MAGI3: variants seen among roughly 807,000 people sequenced by gnomAD.
MAGI3 encodes the protein membrane associated guanylate kinase, WW and PDZ domain containing 3.
MAGI3 carries 43 observed loss-of-function variants against 121.8 expected under a neutral mutation model. The observed-to-expected ratio is 0.35, with a 90% CI of 0.28 to 0.46. MAGI3 has a LOEUF of 0.46. Ranked by LOEUF, MAGI3 falls within the 20% of genes least tolerant of loss-of-function variation. MAGI3 has a pLI of 1.00. For synonymous variants in MAGI3, 553 were observed against 639.3 expected, an observed-to-expected ratio of 0.86 and a Z score of 2.04; for missense variants, 1,547 against 1,797.3, an observed-to-expected ratio of 0.86 and a Z score of 2.52.
At chr1:113,567,897 A>G (rs538587015) in intron 2 of MAGI3, among the ~76,000 whole-genome samples, 46 of 152,100 alleles carry the variant, frequency 3.0e-4, no homozygotes, top group Non-Finnish European at 5.3e-4. Flanking sequence ...AAGGCATTCA[A>G]CTTAGAAAAG....
intron 1 of MAGI3, among the ~76,000 whole-genome samples, chr1:113,402,202 A>C (rs1651444135): frequency 6.6e-6 from 1 of 152,154 alleles, no homozygotes; most frequent in African/African-American, 2.4e-5. Context: ...TGAAATCTGC[A>C]TTCTCTTGGA....
intron 1 of MAGI3, among the ~76,000 whole-genome samples, chr1:113,425,273 ATTTTTTTT>A (rs949045641): frequency 5.8e-5 from 5 of 86,860 alleles, no homozygotes; most frequent in Admixed American, 1.4e-4. Flanking sequence ...TACAAATTCA[ATTTTTTTT>A]TTTTTTTTTT....
At chr1:113,555,632 G>A (rs534086676) in intron 2 of MAGI3, among the ~76,000 whole-genome samples, 1 of 152,094 alleles carries the variant, frequency 6.6e-6, no homozygotes. Context: ...ATGTTATCTA[G>A]CCATCATGAA....
intron 1 of MAGI3, among the ~76,000 whole-genome samples, chr1:113,474,651 G>C (rs1169936889): frequency 2.7e-5 from 4 of 150,730 alleles, no homozygotes; most frequent in Non-Finnish European, 6.0e-5. Flanking sequence ...GTACCATGCT[G>C]TTTTGGTTAA....
Position 113,422,912 on chromosome 1 carries a change from G to A in MAGI3, c.316+31563G>A, listed in dbSNP as rs959995695. On this transcript the variant is annotated intron_variant, in intron 1 of 20. Transcript: ENST00000307546. This position sits in a 1 kb window ranked among gnomAD's most constrained non-coding sequence, Gnocchi z 4.3. ...GTGGCTGCCTGGTGCGGTGGAGGGC[G>A]GGAGGGCTATAGTGTTACAGAAACT... Among the ~76,000 whole-genome samples, 2 of 152,140 alleles carry A rather than the reference G, an allele frequency of 1.3e-5. No homozygotes were observed. The highest frequency in any genetic ancestry group is 4.8e-5 in the African/African-American group (2 of 41,426).
intron 8 of MAGI3, 111 bp downstream of exon 8, chr1:113,619,941 T>C: frequency 1.5e-6 from 1 of 665,182 alleles, no homozygotes; most frequent in Non-Finnish European, 2.6e-6. Context: ...CACTAAAGAG[T>C]GTCTAGTTGT....
At chr1:113,679,930 C>A (rs905275028) in intron 19 of MAGI3, among the ~76,000 whole-genome samples, 1 of 152,112 alleles carries the variant, frequency 6.6e-6, no homozygotes, top group African/African-American at 2.4e-5. Flanking sequence ...GTCTCGAACT[C>A]CCGACCTCAG....
intron 16 of MAGI3, among the ~76,000 whole-genome samples, chr1:113,670,588 T>C (rs749672378): frequency 2.6e-5 from 4 of 152,194 alleles, no homozygotes; most frequent in Non-Finnish European, 4.4e-5. Flanking sequence ...TTTCAGCATA[T>C]ATGTTTAAAG....
intron 1 of MAGI3, among the ~76,000 whole-genome samples, chr1:113,449,413 T>G (rs994388804): frequency 6.8e-6 from 1 of 146,400 alleles, no homozygotes; most frequent in East Asian, 2.1e-4. Context: ...CTTCAATCCT[T>G]AAATCATGTA....
At chr1:113,647,844 T>C (rs1023553520) in intron 12 of MAGI3, among the ~76,000 whole-genome samples, 65 of 152,094 alleles carry the variant, frequency 4.3e-4, no homozygotes, top group Non-Finnish European at 8.5e-4. Context: ...CATAGCCTGA[T>C]ACATTATTAA....
At chr1:113,515,336 T>C (rs1452336237) in intron 1 of MAGI3, among the ~76,000 whole-genome samples, 2 of 152,070 alleles carry the variant, frequency 1.3e-5, no homozygotes, top group African/African-American at 4.8e-5. Context: ...GATGTAGAGC[T>C]TTGACTAAAG....
chr1:113,654,529 C>CGA (rs1653365527), intron 15 of MAGI3, among the ~76,000 whole-genome samples: 1 of 151,978 alleles, frequency 6.6e-6, no homozygotes, highest in Non-Finnish European at 1.5e-5. Flanking sequence ...AGAGGCATAC[C>CGA]TTTTATAAAT....
Position 113,416,295 on chromosome 1 carries a change from T to TAATTAATTATGC in MAGI3, c.316+24957_316+24958insCAATTAATTATG. Among the ~76,000 whole-genome samples, 3 of 81,964 alleles carry TAATTAATTATGC rather than the reference T, an allele frequency of 3.7e-5. 1 individual carries two copies. Among genetic ancestry groups the TAATTAATTATGC allele is most frequent in the African/African-American group, 7.7e-5 (2 of 25,832 alleles). The allele number at this position is 81,964 out of a possible 152,430, so 53.8% of individuals were successfully genotyped here. On this transcript the variant is annotated intron_variant, in intron 1 of 20. Transcript: ENST00000307546. ...TAATTAATTACACATATTAATTATG[T>TAATTAATTATGC]AATTAATTATGTAATTAATTATGTA...
chr1:113,659,089 A>T lies in MAGI3; in HGVS notation c.2639A>T (p.His880Leu). ...GTTTTTTTTCCCATAGTTATTCCTC[A>T]TAAAATTGGCCGAGTCATAGAAGGA... The part of the protein sequence containing the change: ...KNKPPPGVIP[H>L]KIGRVIEGSP... Residue 880 changes from histidine to leucine, a missense_variant, in exon 16 of 21, where the codon CAT (histidine) becomes CTT (leucine). Coordinates refer to ENST00000307546, the MANE Select transcript of MAGI3 (RefSeq NM_001142782.2). 6.2e-7 allele frequency: 1 copy of T among 1,609,526 alleles called. No individual in the cohort carries two copies. The highest frequency in any genetic ancestry group is 2.2e-5 in the East Asian group (1 of 44,796).
intron 1 of MAGI3, among the ~76,000 whole-genome samples, chr1:113,485,555 G>A (rs1656343203): frequency 6.6e-6 from 1 of 151,992 alleles, no homozygotes; most frequent in African/African-American, 2.4e-5. Context: ...TGTAGATTCT[G>A]GATATTAGTC....
chr1:113,642,557 G>T (rs1456384466), intron 10 of MAGI3, 41 bp downstream of exon 10: 1 of 1,564,432 alleles, frequency 6.4e-7, no homozygotes, highest in Admixed American at 1.8e-5. Flanking sequence ...CAGTGTTCAA[G>T]CGTTTATATC....
chr1:113,604,872 G>A (rs187745301), intron 6 of MAGI3, among the ~76,000 whole-genome samples: 5 of 151,374 alleles, frequency 3.3e-5, no homozygotes, highest in East Asian at 1.9e-4. Flanking sequence ...TGGGTATAAT[G>A]TACACTACTT....
intron 1 of MAGI3, among the ~76,000 whole-genome samples, chr1:113,443,148 A>G (rs986191874): frequency 1.3e-5 from 2 of 152,182 alleles, no homozygotes; most frequent in Admixed American, 6.5e-5. Flanking sequence ...GAATAATAAC[A>G]TTATTTTAAT....
chr1:113,644,320 G>A (rs979227536), intron 11 of MAGI3, among the ~76,000 whole-genome samples: 26 of 151,298 alleles, frequency 1.7e-4, no homozygotes, highest in African/African-American at 2.4e-4. Context: ...TTGCTCTGTC[G>A]CCCAGGCTGG....
Sources: gnomAD v4.1 joint callset for allele counts (sites outside exome capture counted in the v4.1 genomes callset) on GRCh38, gnomAD v4.1.1 for gene constraint, Gnocchi (gnomAD v3.1) non-coding constraint, MANE v1.5 for transcripts, NCBI Gene and HGNC (gene_info 2026-07-23, HGNC 2026-07-21) for gene names.